The following TBC1D8 variants were observed in gnomAD, a reference collection of about 807,000 sequenced individuals.
TBC1D8 encodes BUB2-like protein 1.
Under a neutral mutation model 118.8 loss-of-function variants are expected in TBC1D8, and 65 were observed. That is an observed-to-expected ratio of 0.55 (90% confidence interval 0.45 to 0.67). The LOEUF (loss-of-function observed/expected upper bound fraction) is 0.67, where lower values mean the gene tolerates loss of function less well. Among genes scored for constraint, TBC1D8 ranks in the 30% least tolerant of loss-of-function variants. The pLI is 0.00. For missense variants in TBC1D8, 1,376 were observed against 1,471.2 expected (o/e 0.94, Z 1.06); for synonymous variants, 566 against 595.8 (o/e 0.95, Z 0.73).
chr2:101,151,116 G>A lies in TBC1D8; in HGVS notation c.127+11C>T. On this transcript the variant is annotated intron_variant, in intron 1 of 19. Coordinates refer to ENST00000409318, the MANE Select transcript of TBC1D8 (RefSeq NM_001330348.2). ...GCCCGGCCGCCGCGCCCGCCCCGGC[G>A]AGCCCCTTACCGGTGAGGCGGCCGC... 4.8e-6 allele frequency: 5 copies of A among 1,052,334 alleles called. No homozygotes were observed. The highest frequency in any genetic ancestry group is 5.8e-6 in the Non-Finnish European group (5 of 865,058). 65.2% of individuals were successfully genotyped at this position (1,052,334 alleles called of 1,614,324 possible).
intron 2 of TBC1D8, among the ~76,000 whole-genome samples, chr2:101,085,650 C>T (rs750511690): frequency 2.6e-5 from 4 of 152,096 alleles, no homozygotes; most frequent in African/African-American, 9.7e-5. Flanking sequence ...TGGATGAGAA[C>T]GCAAGGTTCC....
At chr2:101,026,642 C>G (rs983855605) in intron 15 of TBC1D8, among the ~76,000 whole-genome samples, 45 of 152,154 alleles carry the variant, frequency 3.0e-4, no homozygotes, top group Non-Finnish European at 8.8e-5. Context: ...CCCTTCCCTG[C>G]CAGGCTTGCT....
chr2:101,093,366 TAC>T (rs1205280218), intron 1 of TBC1D8, among the ~76,000 whole-genome samples: 3 of 152,110 alleles, frequency 2.0e-5, no homozygotes, highest in Non-Finnish European at 2.9e-5. Context: ...CATACTTACA[TAC>T]ACACACACAT....
chr2:101,037,469 G>A (rs905753828), intron 8 of TBC1D8, 63 bp downstream of exon 8: 4 of 1,571,836 alleles, frequency 2.5e-6, no homozygotes, highest in South Asian at 1.2e-5. Context: ...CAGACAGCTG[G>A]GCAACCCCCC....
chr2:101,034,259 A>G (rs1331774888), intron 9 of TBC1D8, among the ~76,000 whole-genome samples: 1 of 152,246 alleles, frequency 6.6e-6, no homozygotes, highest in East Asian at 1.9e-4. Context: ...AACTCATAAT[A>G]GAAATAACTG....
At chr2:101,128,634 T>C (rs550306874) in intron 1 of TBC1D8, among the ~76,000 whole-genome samples, 1 of 152,314 alleles carries the variant, frequency 6.6e-6, no homozygotes, top group South Asian at 2.1e-4. Context: ...CAAATATTTG[T>C]ACACCTGTTT....
chr2:101,027,447 C>G lies in TBC1D8; in HGVS notation c.2456G>C (p.Arg819Pro). The G allele has an allele frequency of 1.9e-6, 3 of 1,612,854 alleles. No individual in the cohort carries two copies. The highest frequency in any genetic ancestry group is 1.7e-6 in the Non-Finnish European group (2 of 1,179,140). ...HEDTTKQNVLRVVIPEVSILP... is the reference protein window; with the variant it reads ...HEDTTKQNVLPVVIPEVSILP... Reference sequence around the variant, plus strand: ...AATTGAGACTTCCGGGATAACGACTCGAAGCTTGAGGAAAGAATAAACAGC... The same window carrying G: ...AATTGAGACTTCCGGGATAACGACTGGAAGCTTGAGGAAAGAATAAACAGC... The change falls in exon 15 of 20, where the codon CGA becomes CCA. Residue 819 changes from arginine (R) to proline (P), a missense_variant. Arg to Pro is a moderately radical substitution (Grantham distance 103). Transcript: ENST00000409318.
At position 101,151,213 on chromosome 2, in the gene TBC1D8, A is replaced by G. The variant is rs1335670517; in HGVS notation, c.41T>C (p.Leu14Pro). 8.0e-7 allele frequency: 1 copy of G among 1,250,048 alleles called. No homozygotes were observed. The highest frequency in any genetic ancestry group is 1.0e-6 in the Non-Finnish European group (1 of 972,690). The allele number at this position is 1,250,048 out of a possible 1,614,324, so 77.4% of individuals were successfully genotyped here. A position where few individuals can be genotyped will look rare whatever the true frequency, so the allele number is the denominator to read the frequency against. The change falls in exon 1 of 20, where the codon CTG (leucine) becomes CCG (proline). Residue 14 changes from leucine to proline, a missense_variant. Coordinates refer to ENST00000409318, the MANE Select transcript of TBC1D8 (RefSeq NM_001330348.2). ...GCTCTTCTGGGTCACCCAGAGCTTCAGCGCGTTCTTCAGCAGCACCTCCTC... is the reference window on the plus strand; with the variant it reads ...GCTCTTCTGGGTCACCCAGAGCTTCGGCGCGTTCTTCAGCAGCACCTCCTC... ...KPEEVLLKNA[L>P]KLWVTQKSSC...
intron 2 of TBC1D8, among the ~76,000 whole-genome samples, chr2:101,084,072 G>A (rs190886008): frequency 7.9e-5 from 12 of 152,302 alleles, no homozygotes; most frequent in Non-Finnish European, 1.6e-4. Context: ...GACCTGGCCC[G>A]GGTCAGGCCT....
At chr2:101,080,580 C>T (rs1675196039) in intron 2 of TBC1D8, among the ~76,000 whole-genome samples, 1 of 152,198 alleles carries the variant, frequency 6.6e-6, no homozygotes, top group African/African-American at 2.4e-5. Flanking sequence ...AAAGAACATT[C>T]TGTCAGGGAT....
chr2:101,123,535 T>C (rs1333418391), intron 1 of TBC1D8, among the ~76,000 whole-genome samples: 1 of 152,142 alleles, frequency 6.6e-6, no homozygotes, highest in Non-Finnish European at 1.5e-5. Context: ...CTAAGTCATG[T>C]ACCTGATCTC....
At chr2:101,100,431 T>C (rs998229503) in intron 1 of TBC1D8, among the ~76,000 whole-genome samples, 2 of 152,182 alleles carry the variant, frequency 1.3e-5, no homozygotes, top group Admixed American at 6.5e-5. Context: ...AAAATGGCCA[T>C]ACTGCTCCAA....
chr2:101,019,622 A>G (rs1224992268), intron 17 of TBC1D8: 2 of 152,464 alleles, frequency 1.3e-5, no homozygotes, highest in South Asian at 2.1e-4. Context: ...AGAGTTACAC[A>G]GTATGAATAT....
At chr2:101,017,777 A>C (rs1679763415) in intron 17 of TBC1D8, 1 of 1,490,902 alleles carries the variant, frequency 6.7e-7, no homozygotes, top group Admixed American at 2.0e-5. Context: ...TGTTACCAAA[A>C]TCTTGACAAG....
Position 101,007,615 on chromosome 2 carries a change from G to GGATACCTTAGGGCACTGACAATTCTCA in TBC1D8, c.*179_*205dup. 1.7e-6 allele frequency: 1 copy of GGATACCTTAGGGCACTGACAATTCTCA among 575,752 alleles called. No homozygotes were observed. 35.7% of individuals were successfully genotyped at this position (575,752 alleles called of 1,614,324 possible). A position where few individuals can be genotyped will look rare whatever the true frequency, so the allele number is the denominator to read the frequency against. Reference sequence around the variant, plus strand: ...GTAAGTTGGCATCAAGGGAACCAATGGATACCTTAGGGCACTGACAATTCT... The same window carrying GGATACCTTAGGGCACTGACAATTCTCA: ...GTAAGTTGGCATCAAGGGAACCAATGGATACCTTAGGGCACTGACAATTCTCAGATACCTTAGGGCACTGACAATTCT... On this transcript the variant is annotated 3_prime_UTR_variant, in exon 20 of 20. Transcript: ENST00000409318.
At chr2:101,117,005 T>C (rs1004962484) in intron 1 of TBC1D8, among the ~76,000 whole-genome samples, 1 of 152,070 alleles carries the variant, frequency 6.6e-6, no homozygotes, top group Non-Finnish European at 1.5e-5. Context: ...CTTAATCCAA[T>C]GTGATTGGTG....
intron 1 of TBC1D8, among the ~76,000 whole-genome samples, chr2:101,123,977 C>T (rs1678240002): frequency 6.6e-6 from 1 of 152,184 alleles, no homozygotes; most frequent in Admixed American, 6.5e-5. Flanking sequence ...GTGATTAAAA[C>T]ATCGGCCATG....
At chr2:101,115,279 A>G (rs1235873042) in intron 1 of TBC1D8, among the ~76,000 whole-genome samples, 1 of 152,232 alleles carries the variant, frequency 6.6e-6, no homozygotes, top group African/African-American at 2.4e-5. Context: ...GCCAGTAATT[A>G]GAAAAAAATC....
At chr2:101,107,223 A>T (rs142914514) in intron 1 of TBC1D8, among the ~76,000 whole-genome samples, 4 of 152,316 alleles carry the variant, frequency 2.6e-5, no homozygotes, top group African/African-American at 9.6e-5. Context: ...GTGTGAACTC[A>T]GGTTCAGCTT....
Sources: allele counts gnomAD v4.1 joint callset (sites outside exome capture counted in the v4.1 genomes callset), GRCh38; gene constraint gnomAD v4.1.1; transcripts MANE v1.5; gene names NCBI Gene and HGNC (gene_info 2026-07-23, HGNC 2026-07-21).